SLF1: variants seen among roughly 807,000 people sequenced by gnomAD.
The protein encoded by SLF1 is SMC5/6 complex localization factor 1.
Under a neutral mutation model 123.0 loss-of-function variants are expected in SLF1, and 105 were observed. The observed-to-expected ratio is 0.85, with a 90% CI of 0.73 to 1.00. The LOEUF (loss-of-function observed/expected upper bound fraction) is 1.00, where lower values mean the gene tolerates loss of function less well. Ranked by LOEUF, SLF1 falls within the 50% of genes least tolerant of loss-of-function variation. The pLI, the probability that SLF1 is intolerant of heterozygous loss-of-function variation, is 0.00. For missense variants in SLF1, 1,239 were observed against 1,223.0 expected, an observed-to-expected ratio of 1.01 and a Z score of -0.20; for synonymous variants, 434 against 406.6, an observed-to-expected ratio of 1.07 and a Z score of -0.81.
intron 1 of SLF1, among the ~76,000 whole-genome samples, chr5:94,619,467 C>T (rs1020617818): frequency 5.3e-5 from 8 of 152,076 alleles, no homozygotes; most frequent in African/African-American, 1.9e-4. Flanking sequence ...ATTTCTTCCA[C>T]TTCCAAAGCC....
Position 94,651,764 on chromosome 5 carries a change from A to G in SLF1, c.801A>G (p.Lys267=). The change falls in exon 7 of 21, where the codon AAA becomes AAG. Residue 267 remains lysine (K), a synonymous_variant. Transcript: ENST00000265140. Reference sequence around the variant, plus strand: ...CTATTTTGATTCAACATCACAAAAAAGAAAAATTCAGTGGTTCCAGTAAAG... The same window carrying G: ...CTATTTTGATTCAACATCACAAAAAGGAAAAATTCAGTGGTTCCAGTAAAG... ...VGSILIQHHK[K]EKFSGSSKDL... 6.5e-7 allele frequency: 1 copy of G among 1,531,454 alleles called. No homozygotes were observed. Among genetic ancestry groups the G allele is most frequent in the Non-Finnish European group, 8.8e-7 (1 of 1,135,914 alleles). 94.9% of individuals were successfully genotyped at this position (1,531,454 alleles called of 1,614,324 possible). A position where few individuals can be genotyped will look rare whatever the true frequency, so the allele number is the denominator to read the frequency against.
Position 94,663,779 on chromosome 5 carries a change from A to G in SLF1, c.1239A>G (p.Val413=), listed in dbSNP as rs752527480. The G allele has an allele frequency of 1.0e-5, 16 of 1,544,984 alleles. No homozygotes were observed. Among genetic ancestry groups the G allele is most frequent in the Non-Finnish European group, 1.3e-5 (15 of 1,144,190 alleles). Residue 413 remains valine (V), a synonymous_variant, in exon 11 of 21, where the codon GTA becomes GTG. Coordinates refer to ENST00000265140, the MANE Select transcript of SLF1 (RefSeq NM_032290.4). ...EVKNAEFPRG[V]LNLIESLIEG... ...AAAATGCTGAATTTCCCAGAGGTGT[A>G]TTAAATTTAATTGAAAGCCTCATAG...
At chr5:94,683,616 T>C (rs936590619) in intron 15 of SLF1, among the ~76,000 whole-genome samples, 1 of 152,136 alleles carries the variant, frequency 6.6e-6, no homozygotes, top group Admixed American at 6.5e-5. Flanking sequence ...GAAGGTAACA[T>C]TTACCAAAAC....
intron 1 of SLF1, among the ~76,000 whole-genome samples, chr5:94,625,707 A>G (rs1170999683): frequency 2.0e-5 from 3 of 152,120 alleles, no homozygotes; most frequent in Admixed American, 6.5e-5. Flanking sequence ...TCTAAAGGAA[A>G]TTTGCTTAAA....
chr5:94,641,458 G>A lies in SLF1; in HGVS notation c.432-1815G>A, dbSNP rs12657323. ...TTACCAAGTCTTCAGTATTCTGTTA[G>A]AGCAGCAGAAAACAACAAGACAGCT... On this transcript the variant is annotated intron_variant, in intron 4 of 20. Coordinates refer to ENST00000265140, the MANE Select transcript of SLF1 (RefSeq NM_032290.4). Among the ~76,000 whole-genome samples, 16 of 152,078 alleles carry A rather than the reference G, an allele frequency of 1.1e-4. No homozygotes were observed. The East Asian group carries it at 3.1e-3, about 29-fold the overall frequency.
intron 15 of SLF1, among the ~76,000 whole-genome samples, chr5:94,684,306 C>T (rs1182187510): frequency 6.6e-6 from 1 of 152,144 alleles, no homozygotes; most frequent in African/African-American, 2.4e-5. Context: ...TCTTATCCTT[C>T]AGTTTACTGC....
intron 12 of SLF1, 61 bp from the exon 13 acceptor site, chr5:94,670,090 G>A: frequency 6.9e-7 from 1 of 1,442,078 alleles, no homozygotes; most frequent in Non-Finnish European, 9.2e-7. Context: ...GAAATATTTT[G>A]TTCACAAATG....
At chr5:94,670,746 C>T (rs1009013339) in intron 13 of SLF1, 97 bp from the exon 14 acceptor site, 3 of 858,516 alleles carry the variant, frequency 3.5e-6, no homozygotes, top group Non-Finnish European at 5.3e-6. Flanking sequence ...GATCTATGTT[C>T]AAAAATTGCT....
rs191688996 is a variant in SLF1 at position 94,653,544 on chromosome 5, A to G, written c.1032+123A>G. On this transcript the variant is annotated intron_variant, in intron 8 of 20. Coordinates refer to ENST00000265140, the MANE Select transcript of SLF1 (RefSeq NM_032290.4). ...CTTGAGTCAATCTGGTGTAATATTC[A>G]TAGTTAATATTCCAGTTAACTTTGG... 4.0e-4 allele frequency: 320 copies of G among 807,154 alleles called. 2 individuals are homozygous for G. In the African/African-American group the frequency reaches 5.3e-3, roughly 13 times the overall value. 50.0% of individuals were successfully genotyped at this position (807,154 alleles called of 1,614,324 possible). A position where few individuals can be genotyped will look rare whatever the true frequency, so the allele number is the denominator to read the frequency against.
chr5:94,656,324 A>G (rs765714194), intron 9 of SLF1, among the ~76,000 whole-genome samples: 1 of 151,782 alleles, frequency 6.6e-6, no homozygotes, highest in African/African-American at 2.4e-5. Flanking sequence ...GACTATGACA[A>G]TACACTATGA....
intron 1 of SLF1, among the ~76,000 whole-genome samples, chr5:94,619,655 A>T (rs1362134337): frequency 2.6e-5 from 4 of 152,162 alleles, no homozygotes; most frequent in Non-Finnish European, 5.9e-5. Flanking sequence ...TTTGAACTGA[A>T]TTTACAATGT....
intron 20 of SLF1, among the ~76,000 whole-genome samples, chr5:94,694,513 C>A (rs1473861039): frequency 6.6e-6 from 1 of 151,730 alleles, no homozygotes; most frequent in Non-Finnish European, 1.5e-5. Flanking sequence ...TTTAAGATTT[C>A]TTCTGGGAAC....
intron 9 of SLF1, among the ~76,000 whole-genome samples, chr5:94,660,110 G>T (rs962732454): frequency 6.6e-6 from 1 of 152,168 alleles, no homozygotes; most frequent in African/African-American, 2.4e-5. Flanking sequence ...CAATGTGCTG[G>T]GGTCCCAGCA....
At chr5:94,654,394 GAAAA>G (rs11427225) in intron 8 of SLF1, among the ~76,000 whole-genome samples, 1 of 106,736 alleles carries the variant, frequency 9.4e-6, no homozygotes, top group Admixed American at 9.1e-5. Flanking sequence ...AGAGTAAAAA[GAAAA>G]AAAAAAAAAA....
chr5:94,675,844 G>A (rs1262329627), intron 14 of SLF1, among the ~76,000 whole-genome samples: 1 of 149,610 alleles, frequency 6.7e-6, no homozygotes, highest in Non-Finnish European at 1.5e-5. Flanking sequence ...ATTCTATTGT[G>A]ATTTTAACTG....
rs1318883375 is a variant in SLF1, at chr5:94,695,772, A to T, written c.*460A>T. On this transcript the variant is annotated 3_prime_UTR_variant, in exon 21 of 21. Transcript: ENST00000265140. Reference sequence around the variant, plus strand: ...GGAAAAAACAAGACTAAACAAAAACATGTAGCTCCCTATTTCTTCTCTCTA... The same window carrying T: ...GGAAAAAACAAGACTAAACAAAAACTTGTAGCTCCCTATTTCTTCTCTCTA... 6.6e-6 allele frequency: 1 copy of T among 151,862 alleles called. No homozygotes were observed. Among genetic ancestry groups the T allele is most frequent in the Non-Finnish European group, 1.5e-5 (1 of 67,846 alleles). 9.4% of individuals were successfully genotyped at this position (151,862 alleles called of 1,614,324 possible). A position where few individuals can be genotyped will look rare whatever the true frequency, so the allele number is the denominator to read the frequency against.
chr5:94,634,036 A>T (rs1024070080), intron 4 of SLF1, among the ~76,000 whole-genome samples: 1 of 152,134 alleles, frequency 6.6e-6, no homozygotes, highest in Non-Finnish European at 1.5e-5. Flanking sequence ...TTAAGTTCAG[A>T]GTATTTTTAA....
At chr5:94,661,947 A>G (rs1287475108) in intron 9 of SLF1, among the ~76,000 whole-genome samples, 1 of 152,216 alleles carries the variant, frequency 6.6e-6, no homozygotes, top group Non-Finnish European at 1.5e-5. Flanking sequence ...ATGGTTATAT[A>G]GCAAACATAA....
At chr5:94,664,037 G>C (rs970451288) in intron 11 of SLF1, 129 bp downstream of exon 11, 1 of 841,338 alleles carries the variant, frequency 1.2e-6, no homozygotes, top group Non-Finnish European at 1.7e-6. Context: ...TTTCACTAAT[G>C]CAGTACCCAT....
Sources: allele counts gnomAD v4.1 joint callset (sites outside exome capture counted in the v4.1 genomes callset), GRCh38; gene constraint gnomAD v4.1.1; transcripts MANE v1.5; gene names NCBI Gene and HGNC (gene_info 2026-07-23, HGNC 2026-07-21).